Variants in PACS2 observed in about 807,000 individuals in gnomAD.
PACS2 encodes the protein PACS1-like protein.
A neutral mutation model predicts 113.0 loss-of-function variants in PACS2; 36 were observed. The ratio of observed to expected loss-of-function variants is 0.32; its 90% confidence interval spans 0.24 to 0.42. PACS2 has a LOEUF of 0.42. Ranked by LOEUF, PACS2 falls within the 10% of genes least tolerant of loss-of-function variation. The probability of loss-of-function intolerance (pLI) is 1.00; values close to 1 mark genes in which losing one functional copy is unlikely to be tolerated. For missense variants in PACS2, 1,015 were observed against 1,239.5 expected (o/e 0.82, Z 2.72); for synonymous variants, 589 against 536.1 (o/e 1.10, Z -1.36).
At chr14:105,364,951 A>G (rs142699489) in intron 4 of PACS2, among the ~76,000 whole-genome samples, 128 of 151,712 alleles carry the variant, frequency 8.4e-4, no homozygotes, top group African/African-American at 2.9e-3. Context: ...ACCTGCCTCA[A>G]CCTCCCAAAG....
chr14:105,379,759 C>T lies in PACS2; in HGVS notation c.980C>T (p.Ser327Leu), dbSNP rs781917667. 12 of 1,613,782 alleles carry T rather than the reference C, an allele frequency of 7.4e-6. No homozygotes were observed. Among genetic ancestry groups the T allele is most frequent in the South Asian group, 2.2e-5 (2 of 91,086 alleles). ...GCCAGGCCATACTTTGAAGGCCTGT[C>T]GCACTCGAGCTCGCAGACGGAGATT... ...PKLRPYFEGL[S>L]HSSSQTEIGS... The change falls in exon 10 of 25, where the codon TCG becomes TTG. Residue 327 changes from serine to leucine, a missense_variant. Physicochemically the swap from Ser to Leu is moderately radical, Grantham distance 145. This residue lies in a region of PACS2 where 859 missense variants were observed against 1,056.8 expected (regional missense o/e 0.81). Coordinates refer to ENST00000447393, the MANE Select transcript of PACS2 (RefSeq NM_001100913.3).
At position 105,365,279 on chromosome 14, in the gene PACS2, C is replaced by T. The variant is rs1441537575; in HGVS notation, c.424-1934C>T. Among the ~76,000 whole-genome samples, 1 of 152,212 alleles carries T rather than the reference C, an allele frequency of 6.6e-6. No individual in the cohort carries two copies. The highest frequency in any genetic ancestry group is 1.5e-5 in the Non-Finnish European group (1 of 68,032). The stretch of plus-strand genomic sequence containing the variant: ...TGCCCAGCTCAGGGGTGGCTGGCCC[C>T]TTGGCAGGAGGACGCACGCCCCAAG... On this transcript the variant is annotated intron_variant, in intron 4 of 24. Transcript: ENST00000447393. This position sits in a 1 kb window ranked among gnomAD's most constrained non-coding sequence, Gnocchi z 5.1.
At chr14:105,342,230 CTG>C (rs373390359) in intron 1 of PACS2, among the ~76,000 whole-genome samples, 8,226 of 139,738 alleles carry the variant, frequency 0.059, 304 homozygotes, top group Admixed American at 0.13. Flanking sequence ...AAGCTGCTGC[CTG>C]TGTGTGTGTG....
At position 105,365,886 on chromosome 14, in the gene PACS2, C is replaced by T. The variant is rs1348095206; in HGVS notation, c.424-1327C>T. On this transcript the variant is annotated intron_variant, in intron 4 of 24. Coordinates refer to ENST00000447393, the MANE Select transcript of PACS2 (RefSeq NM_001100913.3). This position sits in a 1 kb window ranked among gnomAD's most constrained non-coding sequence, Gnocchi z 5.1. Reference sequence around the variant, plus strand: ...GTACGTGAAGCTGCGTGTGCCCCGGCGAGTTGTGGGCACGAGGGCGTCAGC... The same window carrying T: ...GTACGTGAAGCTGCGTGTGCCCCGGTGAGTTGTGGGCACGAGGGCGTCAGC... Among the ~76,000 whole-genome samples the T allele has an allele frequency of 1.3e-5, 2 of 152,212 alleles. No individual in the cohort carries two copies. Among genetic ancestry groups the T allele is most frequent in the African/African-American group, 2.4e-5 (1 of 41,448 alleles).
intron 19 of PACS2, among the ~76,000 whole-genome samples, chr14:105,386,938 G>A (rs1204622403): frequency 2.0e-5 from 3 of 152,184 alleles, no homozygotes; most frequent in African/African-American, 4.8e-5. Flanking sequence ...CTGGCCGCCC[G>A]GCCGCCGCAG....
chr14:105,351,137 C>G (rs184913278), intron 2 of PACS2, among the ~76,000 whole-genome samples: 1 of 152,222 alleles, frequency 6.6e-6, no homozygotes, highest in Non-Finnish European at 1.5e-5. Context: ...GTGTCCCGCG[C>G]GCCGGCCTCC....
Position 105,366,998 on chromosome 14 carries a change from G to T in PACS2, c.424-215G>T, listed in dbSNP as rs782364149. Reference sequence around the variant, plus strand: ...TCCCACGTGTTCCTCTCGTCTGTCCGCCTGGCTCCTGTGTCCTCCTCTCGT... The same window carrying T: ...TCCCACGTGTTCCTCTCGTCTGTCCTCCTGGCTCCTGTGTCCTCCTCTCGT... On this transcript the variant is annotated intron_variant, in intron 4 of 24. Coordinates refer to ENST00000447393, the MANE Select transcript of PACS2 (RefSeq NM_001100913.3). The surrounding 1 kb of genome is among the most constrained non-coding windows in gnomAD (Gnocchi z 4.3). 6.6e-6 allele frequency among the ~76,000 whole-genome samples: 1 copy of T among 152,042 alleles called. No individual in the cohort carries two copies. The highest frequency in any genetic ancestry group is 6.5e-5 in the Admixed American group (1 of 15,274).
chr14:105,329,869 T>A lies in PACS2; in HGVS notation c.119+14832T>A, dbSNP rs2059239472. On this transcript the variant is annotated intron_variant, in intron 1 of 24. Coordinates refer to ENST00000447393, the MANE Select transcript of PACS2 (RefSeq NM_001100913.3). The surrounding 1 kb of genome is among the most constrained non-coding windows in gnomAD (Gnocchi z 6.4). ...GAGCATCCAGGCCTGGAACTCGAGC[T>A]GTGGTGTGGTGGTGCCAGCCCAGGA... Among the ~76,000 whole-genome samples the A allele has an allele frequency of 6.6e-6, 1 of 152,070 alleles. No individual in the cohort carries two copies. The highest frequency in any genetic ancestry group is 2.4e-5 in the African/African-American group (1 of 41,414).
chr14:105,304,666 G>A (rs1016293689), intron 1 of PACS2, among the ~76,000 whole-genome samples: 12 of 152,322 alleles, frequency 7.9e-5, no homozygotes, highest in African/African-American at 2.9e-4. Context: ...AAAGACATAC[G>A]TGAGACTGGG....
intron 1 of PACS2, among the ~76,000 whole-genome samples, chr14:105,305,939 G>A (rs1471348314): frequency 6.6e-6 from 1 of 152,252 alleles, no homozygotes; most frequent in Admixed American, 6.5e-5. Context: ...AACGTGCAGT[G>A]ATCTCCGCTC....
chr14:105,319,874 T>C (rs2058822981), intron 1 of PACS2, among the ~76,000 whole-genome samples: 1 of 152,368 alleles, frequency 6.6e-6, no homozygotes, highest in East Asian at 1.9e-4. Flanking sequence ...TTTAAAGAAA[T>C]CATTATGAGT....
At chr14:105,314,102 G>A (rs587731483), upstream of PACS2, among the ~76,000 whole-genome samples, 1 of 152,340 alleles carries the variant, frequency 6.6e-6, no homozygotes, top group East Asian at 1.9e-4. Flanking sequence ...GGCGCCCCGA[G>A]TGGCTTCGAG....
chr14:105,392,260 A>AC (rs1197546770), intron 22 of PACS2: 99 of 369,766 alleles, frequency 2.7e-4, no homozygotes, highest in African/African-American at 1.4e-3. Context: ...ACCAGCAGAT[A>AC]CCCCCCCGAC....
chr14:105,302,157 A>AG (rs1357904207), intron 1 of PACS2, among the ~76,000 whole-genome samples: 2 of 151,360 alleles, frequency 1.3e-5, no homozygotes, highest in African/African-American at 4.8e-5. Flanking sequence ...AAAAAAAAAA[A>AG]AGAGAAAAAA....
At chr14:105,392,584 A>T in intron 22 of PACS2, 35 bp from the exon 23 acceptor site, 3 of 1,537,936 alleles carry the variant, frequency 2.0e-6, no homozygotes, top group Non-Finnish European at 2.7e-6. Context: ...AGGCCCAAAG[A>T]TGCAGGTGTG....
At chr14:105,331,899 G>T (rs910260924) in intron 1 of PACS2, among the ~76,000 whole-genome samples, 9 of 152,186 alleles carry the variant, frequency 5.9e-5, no homozygotes, top group Non-Finnish European at 1.0e-4. Flanking sequence ...GGTGATCACA[G>T]AGTTCTTCTA....
chr14:105,362,147 G>C (rs1486166467), intron 4 of PACS2, among the ~76,000 whole-genome samples: 2 of 150,234 alleles, frequency 1.3e-5, no homozygotes, highest in Admixed American at 6.6e-5. Context: ...GGCCAGGTGT[G>C]GTGGCTCACG....
chr14:105,327,217 C>T (rs587717881), intron 1 of PACS2, among the ~76,000 whole-genome samples: 7 of 152,274 alleles, frequency 4.6e-5, no homozygotes, highest in Non-Finnish European at 7.3e-5. Context: ...CCACACAGAG[C>T]GAGCCTCAGA....
chr14:105,383,377 GC>G lies in PACS2; in HGVS notation c.1649del (p.Pro550ArgfsTer4). ...ATTGCAGCTGCAACTGCAATTCCCA[GC>G]CCCCGACCCCCGTGAAGATCGCCGT... ...IQRYCNCNSQ[P>X]PTPVKIAVAG... On this transcript the variant is annotated frameshift_variant, in exon 16 of 25. Transcript: ENST00000447393. LOFTEE classifies it high-confidence loss of function. 1 of 1,608,018 alleles carries G rather than the reference GC, an allele frequency of 6.2e-7. No homozygotes were observed.
Sources: gnomAD v4.1 joint callset for allele counts (sites outside exome capture counted in the v4.1 genomes callset) on GRCh38, gnomAD v4.1.1 for gene constraint, gnomAD v4.1.1 regional missense constraint, Gnocchi (gnomAD v3.1) non-coding constraint, MANE v1.5 for transcripts, NCBI Gene and HGNC (gene_info 2026-07-23, HGNC 2026-07-21) for gene names.